EXOC1: variants seen among roughly 807,000 people sequenced by gnomAD.
EXOC1 encodes the protein exocyst complex component 1, also known as SEC3-like 1.
EXOC1 carries 67 observed loss-of-function variants against 107.7 expected under a neutral mutation model. The ratio of observed to expected loss-of-function variants is 0.62; its 90% CI spans 0.51 to 0.76. The LOEUF is 0.76. Among genes scored for constraint, EXOC1 ranks in the 30% least tolerant of loss-of-function variants. EXOC1 has a pLI of 0.00. For synonymous variants in EXOC1, 348 were observed against 353.5 expected (o/e 0.98, Z 0.17); for missense variants, 833 against 1,055.7 (o/e 0.79, Z 2.92).
At chr4:55,861,101 A>G (rs189958019) in intron 3 of EXOC1, among the ~76,000 whole-genome samples, 6 of 152,344 alleles carry the variant, frequency 3.9e-5, no homozygotes, top group African/African-American at 1.4e-4. Flanking sequence ...TGATAATCAC[A>G]TTAAAGGACC....
At chr4:55,882,175 C>T (rs763201687) in intron 9 of EXOC1, among the ~76,000 whole-genome samples, 21 of 152,136 alleles carry the variant, frequency 1.4e-4, no homozygotes, top group Non-Finnish European at 2.1e-4. Context: ...GGGTCTCACT[C>T]TGACACCCAG....
chr4:55,874,008 A>G (rs1722672973), intron 8 of EXOC1, among the ~76,000 whole-genome samples: 1 of 152,190 alleles, frequency 6.6e-6, no homozygotes, highest in African/African-American at 2.4e-5. Flanking sequence ...AGTTAAGACT[A>G]ATGTACATTA....
intron 8 of EXOC1, among the ~76,000 whole-genome samples, chr4:55,874,931 T>A (rs544568111): frequency 7.0e-4 from 107 of 152,332 alleles, no homozygotes; most frequent in African/African-American, 2.5e-3. Flanking sequence ...ATTGTTTTGG[T>A]TGTTTTTTGA....
At chr4:55,884,863 C>A (rs1318403280) in intron 10 of EXOC1, among the ~76,000 whole-genome samples, 1 of 152,150 alleles carries the variant, frequency 6.6e-6, no homozygotes, top group Non-Finnish European at 1.5e-5. Context: ...AGAAGACTGT[C>A]ATTAATGGGT....
chr4:55,883,628 TG>T (rs1338803821), intron 9 of EXOC1, 194 bp from the exon 10 acceptor site: 1 of 408,062 alleles, frequency 2.5e-6, no homozygotes, highest in Admixed American at 4.5e-5. Flanking sequence ...TTCATATTTT[TG>T]TAAATTGTTA....
intron 1 of EXOC1, among the ~76,000 whole-genome samples, chr4:55,855,880 A>G (rs1436535978): frequency 7.9e-5 from 12 of 152,352 alleles, no homozygotes; most frequent in African/African-American, 2.4e-4. Flanking sequence ...TGGACACTCT[A>G]TAATAAGCCA....
chr4:55,877,452 T>G (rs1723005101), intron 8 of EXOC1: 1 of 985,162 alleles, frequency 1.0e-6, no homozygotes, highest in Non-Finnish European at 1.2e-6. Flanking sequence ...GCTCTAAGAC[T>G]TTATATTCTA....
At chr4:55,862,229 T>C (rs905313999) in intron 3 of EXOC1, among the ~76,000 whole-genome samples, 3 of 152,256 alleles carry the variant, frequency 2.0e-5, no homozygotes, top group Non-Finnish European at 4.4e-5. Context: ...TTCGTAACCC[T>C]GTTGACTTGC....
At chr4:55,883,489 TTA>T (rs1222473485) in intron 9 of EXOC1, 1 of 178,400 alleles carries the variant, frequency 5.6e-6, no homozygotes, top group Non-Finnish European at 1.2e-5. Context: ...TGTGCTGTCA[TTA>T]AAATGTGAGA....
Position 55,871,921 on chromosome 4 carries a change from G to T in EXOC1, c.1037G>T (p.Arg346Ile). The T allele has an allele frequency of 3.7e-6, 6 of 1,613,724 alleles. No homozygotes were observed. Among genetic ancestry groups the T allele is most frequent in the Non-Finnish European group, 5.1e-6 (6 of 1,179,788 alleles). Residue 346 changes from arginine to isoleucine, a missense_variant, in exon 8 of 19, where the codon AGA (arginine) becomes ATA (isoleucine). Physicochemically the swap from Arg to Ile is moderately conservative, Grantham distance 97. Coordinates refer to ENST00000381295, the MANE Select transcript of EXOC1 (RefSeq NM_001024924.2). ...GATTTGCGAGAGCTTTTTGCCCGGA[G>T]ACTGGCCAGTCACCTCAACAATGTT... ...FSDLRELFAR[R>I]LASHLNNVFV...
At chr4:55,900,098 A>G (rs1725727022) in intron 17 of EXOC1, among the ~76,000 whole-genome samples, 1 of 152,130 alleles carries the variant, frequency 6.6e-6, no homozygotes, top group African/African-American at 2.4e-5. Context: ...TTTATCTACT[A>G]TATTTTAATG....
At chr4:55,885,659 G>A (rs1723808147) in intron 10 of EXOC1, 1 of 152,134 alleles carries the variant, frequency 6.6e-6, no homozygotes, top group Non-Finnish European at 1.5e-5. Context: ...CATTGTCCCT[G>A]TGCAAGGATG....
At chr4:55,866,031 A>C (rs942208182) in intron 4 of EXOC1, among the ~76,000 whole-genome samples, 1 of 152,178 alleles carries the variant, frequency 6.6e-6, no homozygotes, top group Admixed American at 6.5e-5. Context: ...ATTAATGTCT[A>C]CAAACTTGTT....
chr4:55,902,454 C>T lies in EXOC1; in HGVS notation c.2448C>T (p.Tyr816=), dbSNP rs1726072353. 3 of 1,582,236 alleles carry T rather than the reference C, an allele frequency of 1.9e-6. No individual in the cohort carries two copies. Among genetic ancestry groups the T allele is most frequent in the Non-Finnish European group, 2.6e-6 (3 of 1,167,326 alleles). The stretch of plus-strand genomic sequence containing the variant: ...AACTTCGTAAAGTCATTAAGGAGTA[C>T]CCTGGAAAGGAAGTAAAAAAAGGTC... ...KQELRKVIKE[Y]PGKEVKKGLD... is the part of the protein sequence containing the mutation. The change falls in exon 18 of 19, where the codon TAC becomes TAT. Residue 816 remains tyrosine, a synonymous_variant. Transcript: ENST00000381295.
chr4:55,865,728 T>C (rs1030336792), intron 4 of EXOC1, among the ~76,000 whole-genome samples: 3 of 152,066 alleles, frequency 2.0e-5, no homozygotes, highest in Non-Finnish European at 4.4e-5. Flanking sequence ...GACAGTCATA[T>C]AGAAAAATAC....
intron 3 of EXOC1, among the ~76,000 whole-genome samples, chr4:55,861,667 A>G (rs890946193): frequency 6.6e-6 from 1 of 152,234 alleles, no homozygotes; most frequent in African/African-American, 2.4e-5. Flanking sequence ...CCTAAGGAGC[A>G]CCCAATGCTT....
chr4:55,877,902 T>C lies in EXOC1; in HGVS notation c.1075-15T>C. The C allele has an allele frequency of 2.5e-6, 4 of 1,612,508 alleles. No individual in the cohort carries two copies. The highest frequency in any genetic ancestry group is 3.4e-6 in the Non-Finnish European group (4 of 1,179,460). ...ACTGTTGATTACATTTATTTACTTA[T>C]TTTACTCACTTTAGGGTCATGATCA... On this transcript the variant is annotated splice_polypyrimidine_tract_variant and intron_variant, in intron 8 of 18. Transcript: ENST00000381295.
chr4:55,890,801 C>T (rs2109454918), intron 12 of EXOC1, among the ~76,000 whole-genome samples: 1 of 152,352 alleles, frequency 6.6e-6, no homozygotes, highest in Non-Finnish European at 1.5e-5. Flanking sequence ...ACAGTCTCAG[C>T]TCACTGCAAC....
intron 8 of EXOC1, chr4:55,876,858 A>C (rs1415468958): frequency 3.0e-6 from 3 of 985,124 alleles, no homozygotes; most frequent in Non-Finnish European, 3.6e-6. Context: ...TTCTCACATG[A>C]AGAAAATTTT....
Sources: gnomAD v4.1 joint callset for allele counts (sites outside exome capture counted in the v4.1 genomes callset) on GRCh38, gnomAD v4.1.1 for gene constraint, MANE v1.5 for transcripts, NCBI Gene and HGNC (gene_info 2026-07-23, HGNC 2026-07-21) for gene names.